The following RHOA variants were observed in gnomAD, a reference collection of about 807,000 sequenced individuals.
RHOA encodes the protein transforming protein RhoA.
RHOA carries 3 observed loss-of-function variants against 17.5 expected under a neutral mutation model. That is an observed-to-expected ratio of 0.17 (90% CI 0.08 to 0.44). RHOA has a LOEUF of 0.44. Among genes scored for constraint, RHOA ranks in the 20% least tolerant of loss-of-function variants. The probability of loss-of-function intolerance (pLI) is 0.99; values close to 1 mark genes in which losing one functional copy is unlikely to be tolerated. For synonymous variants in RHOA, 98 were observed against 88.4 expected (o/e 1.11, Z -0.61); for missense variants, 56 against 242.3 (o/e 0.23, Z 5.10).
intron 2 of RHOA, among the ~76,000 whole-genome samples, chr3:49,369,007 T>G (rs1374221876): frequency 4.6e-4 from 2 of 4,380 alleles, no homozygotes; most frequent in Non-Finnish European, 7.4e-4. Flanking sequence ...GCGCCTGGCC[T>G]TTTTTTTTTT....
intron 1 of RHOA, among the ~76,000 whole-genome samples, chr3:49,391,431 CAG>C (rs2048505243): frequency 6.6e-6 from 1 of 151,806 alleles, no homozygotes; most frequent in South Asian, 2.1e-4. Flanking sequence ...ACTTAGGCAG[CAG>C]AGTCACTGCT....
At chr3:49,399,247 G>A (rs1249356298) in intron 1 of RHOA, among the ~76,000 whole-genome samples, 1 of 151,424 alleles carries the variant, frequency 6.6e-6, no homozygotes, top group African/African-American at 2.4e-5. Flanking sequence ...GCGGGCACCT[G>A]TAGTCCCAGC....
At chr3:49,403,061 G>A (rs923941461) in intron 1 of RHOA, among the ~76,000 whole-genome samples, 6 of 145,956 alleles carry the variant, frequency 4.1e-5, no homozygotes, top group African/African-American at 5.0e-5. Context: ...AAAGAAACCC[G>A]CCGAGCGCGG....
intron 1 of RHOA, among the ~76,000 whole-genome samples, chr3:49,408,484 C>A (rs554568440): frequency 6.6e-6 from 1 of 152,114 alleles, no homozygotes; most frequent in Non-Finnish European, 1.5e-5. Flanking sequence ...ACACCCAGAA[C>A]GAGCAGCTTC....
chr3:49,392,033 G>A (rs1021840824), intron 1 of RHOA, among the ~76,000 whole-genome samples: 5 of 151,374 alleles, frequency 3.3e-5, no homozygotes, highest in Non-Finnish European at 5.9e-5. Flanking sequence ...TTGCCTTATT[G>A]GCCAGGCTGG....
chr3:49,374,067 T>C (rs906666855), intron 2 of RHOA, among the ~76,000 whole-genome samples: 4 of 152,068 alleles, frequency 2.6e-5, no homozygotes, highest in Admixed American at 2.6e-4. Context: ...AAAAAATCTT[T>C]TGGCCGGGCA....
chr3:49,364,184 T>C (rs983167770), intron 3 of RHOA, among the ~76,000 whole-genome samples: 4 of 151,912 alleles, frequency 2.6e-5, no homozygotes, highest in African/African-American at 9.7e-5. Flanking sequence ...ACCCCATCTC[T>C]ATTAAAAATA....
At chr3:49,406,142 A>G (rs568840216) in intron 1 of RHOA, among the ~76,000 whole-genome samples, 1 of 152,354 alleles carries the variant, frequency 6.6e-6, no homozygotes, top group Non-Finnish European at 1.5e-5. Context: ...ACATAATAAA[A>G]TTATCTTGTA....
intron 1 of RHOA, among the ~76,000 whole-genome samples, chr3:49,377,622 A>AAC (rs2048251166): frequency 6.6e-6 from 1 of 150,638 alleles, no homozygotes; most frequent in African/African-American, 2.4e-5. Flanking sequence ...AAAAAAAAAA[A>AAC]AATCAGCCAG....
At chr3:49,363,532 T>C (rs979214646) in intron 3 of RHOA, among the ~76,000 whole-genome samples, 3 of 151,642 alleles carry the variant, frequency 2.0e-5, no homozygotes, top group Non-Finnish European at 2.9e-5. Flanking sequence ...GCCTAGGAGC[T>C]CAAGAACAGC....
intron 1 of RHOA, among the ~76,000 whole-genome samples, chr3:49,397,401 C>T (rs374068278): frequency 6.6e-6 from 1 of 151,970 alleles, no homozygotes; most frequent in African/African-American, 2.4e-5. Flanking sequence ...TAGTGATACA[C>T]GTAAAACTCT....
At chr3:49,406,918 C>CG (rs903417177) in intron 1 of RHOA, 1 of 152,110 alleles carries the variant, frequency 6.6e-6, no homozygotes, top group African/African-American at 2.4e-5. Flanking sequence ...GGGTGGGTCA[C>CG]GGGGTCACGA....
At chr3:49,409,252 A>T (rs2048892629) in intron 1 of RHOA, among the ~76,000 whole-genome samples, 1 of 151,654 alleles carries the variant, frequency 6.6e-6, no homozygotes, top group South Asian at 2.1e-4. Flanking sequence ...AAAGTTAGCC[A>T]GGAATGGTGG....
At chr3:49,391,823 CTTT>C (rs59591685) in intron 1 of RHOA, among the ~76,000 whole-genome samples, 8 of 99,666 alleles carry the variant, frequency 8.0e-5, no homozygotes, top group African/African-American at 1.2e-4. Context: ...ATTAATTTAT[CTTT>C]TTTTTTTTTT....
At chr3:49,364,103 A>G (rs903632250) in intron 3 of RHOA, among the ~76,000 whole-genome samples, 1 of 151,640 alleles carries the variant, frequency 6.6e-6, no homozygotes, top group Non-Finnish European at 1.5e-5. Context: ...TAATCCCAAA[A>G]CTTTGAGAGG....
chr3:49,380,715 AT>A (rs1476958351), intron 1 of RHOA, among the ~76,000 whole-genome samples: 13 of 145,540 alleles, frequency 8.9e-5, no homozygotes, highest in Non-Finnish European at 1.5e-4. Flanking sequence ...AATAATAATA[AT>A]AATAAATACT....
chr3:49,411,887 A>C lies in RHOA; in HGVS notation c.-70T>G, dbSNP rs979128821. 6.6e-6 allele frequency: 1 copy of C among 151,998 alleles called. No homozygotes were observed. The highest frequency in any genetic ancestry group is 2.4e-5 in the African/African-American group (1 of 41,364). 9.4% of individuals were successfully genotyped at this position (151,998 alleles called of 1,614,324 possible). On this transcript the variant is annotated 5_prime_UTR_variant, in exon 1 of 5. Transcript: ENST00000418115. ...GCCGGTCCGCGAGTCGCAAACTCGGAGACGAAGGCGGGTAGCTGAAGACCA... is the reference window on the plus strand; with the variant it reads ...GCCGGTCCGCGAGTCGCAAACTCGGCGACGAAGGCGGGTAGCTGAAGACCA...
At chr3:49,397,552 G>T (rs1036412091) in intron 1 of RHOA, among the ~76,000 whole-genome samples, 3 of 152,124 alleles carry the variant, frequency 2.0e-5, no homozygotes, top group African/African-American at 7.2e-5. Flanking sequence ...GGCAGAGACT[G>T]CCTGCTTATC....
intron 1 of RHOA, among the ~76,000 whole-genome samples, chr3:49,395,780 A>T (rs567587282): frequency 6.6e-6 from 1 of 152,108 alleles, no homozygotes; most frequent in Admixed American, 6.6e-5. Context: ...GGTTAACTGG[A>T]TAGGGATGAG....
Sources: allele counts gnomAD v4.1 joint callset (sites outside exome capture counted in the v4.1 genomes callset), GRCh38; gene constraint gnomAD v4.1.1; transcripts MANE v1.5; gene names NCBI Gene and HGNC (gene_info 2026-07-23, HGNC 2026-07-21).